The following MS4A4A variants were observed in gnomAD, a reference collection of about 807,000 sequenced individuals.
MS4A4A encodes the protein membrane spanning 4-domains A4A, also known as membrane-spanning 4-domains subfamily A member 4A.
A neutral mutation model predicts 28.0 loss-of-function variants in MS4A4A; 26 were observed. That is an observed-to-expected ratio of 0.93 (90% confidence interval 0.68 to 1.29). The LOEUF is 1.29. MS4A4A is among the 50% of genes most tolerant of loss of function. The probability of loss-of-function intolerance (pLI) is 0.00; values close to 1 mark genes in which losing one functional copy is unlikely to be tolerated. For missense variants in MS4A4A, 290 were observed against 293.1 expected, an observed-to-expected ratio of 0.99 and a Z score of 0.08; for synonymous variants, 86 against 100.8, an observed-to-expected ratio of 0.85 and a Z score of 0.88.
intron 1 of MS4A4A, among the ~76,000 whole-genome samples, chr11:60,289,604 T>C (rs1258190759): frequency 6.6e-6 from 1 of 151,302 alleles, no homozygotes; most frequent in African/African-American, 2.4e-5. Flanking sequence ...TATGTGTGTG[T>C]GTGTGTGTGT....
chr11:60,281,206 G>C (rs1014183361), intron 1 of MS4A4A, among the ~76,000 whole-genome samples: 1 of 152,122 alleles, frequency 6.6e-6, no homozygotes, highest in African/African-American at 2.4e-5. Context: ...CATTTAGATG[G>C]GCTGTGGCCT....
intron 1 of MS4A4A, among the ~76,000 whole-genome samples, chr11:60,290,540 CCTTAT>C (rs1345675701): frequency 6.6e-6 from 1 of 151,882 alleles, no homozygotes; most frequent in Non-Finnish European, 1.5e-5. Context: ...ATATATAATT[CCTTAT>C]CTTAACTACT....
intron 1 of MS4A4A, chr11:60,290,127 A>G: frequency 2.3e-6 from 1 of 442,852 alleles, no homozygotes; most frequent in South Asian, 1.6e-5. Context: ...CCTTCTAAAT[A>G]TGTGTCTTTT....
intron 5 of MS4A4A, among the ~76,000 whole-genome samples, chr11:60,303,430 G>A (rs536062687): frequency 3.7e-4 from 56 of 152,280 alleles, no homozygotes; most frequent in African/African-American, 1.2e-3. Flanking sequence ...AAGCCTGGCA[G>A]GGCGCAGTGG....
intron 3 of MS4A4A, 50 bp from the exon 4 acceptor site, chr11:60,300,951 C>G: frequency 7.3e-7 from 1 of 1,372,084 alleles, no homozygotes; most frequent in Non-Finnish European, 1.0e-6. Context: ...AGTTATGACT[C>G]CCAATACTGG....
intron 5 of MS4A4A, among the ~76,000 whole-genome samples, chr11:60,304,039 C>A (rs111710653): frequency 6.6e-6 from 1 of 152,132 alleles, no homozygotes; most frequent in Non-Finnish European, 1.5e-5. Context: ...TCTTGCCACT[C>A]GCTCAAAATA....
chr11:60,299,753 G>C (rs561132890), intron 3 of MS4A4A, among the ~76,000 whole-genome samples: 1 of 152,086 alleles, frequency 6.6e-6, no homozygotes. Flanking sequence ...GTGCCACCAC[G>C]CCCTGCCAAT....
At chr11:60,285,126 GA>G (rs2084793011) in intron 1 of MS4A4A, among the ~76,000 whole-genome samples, 1 of 152,100 alleles carries the variant, frequency 6.6e-6, no homozygotes, top group Non-Finnish European at 1.5e-5. Context: ...CAACGTAACA[GA>G]AACCCTAAGA....
intron 1 of MS4A4A, chr11:60,282,624 A>G (rs2084764650): frequency 7.8e-7 from 1 of 1,284,778 alleles, no homozygotes; most frequent in Non-Finnish European, 1.0e-6. Context: ...ACATTCCTGC[A>G]AATGGTTTCA....
At chr11:60,286,208 T>C (rs2084802466) in intron 1 of MS4A4A, among the ~76,000 whole-genome samples, 1 of 152,226 alleles carries the variant, frequency 6.6e-6, no homozygotes, top group South Asian at 2.1e-4. Context: ...GCTGTTATCC[T>C]GTTCTTTTTC....
intron 1 of MS4A4A, among the ~76,000 whole-genome samples, chr11:60,291,901 G>A (rs1005970890): frequency 3.3e-5 from 5 of 151,968 alleles, no homozygotes; most frequent in Non-Finnish European, 7.4e-5. Context: ...AATAAAATCT[G>A]AGCCGACTTG....
At chr11:60,295,322 T>C (rs1401590427) in intron 2 of MS4A4A, among the ~76,000 whole-genome samples, 1 of 152,144 alleles carries the variant, frequency 6.6e-6, no homozygotes, top group Non-Finnish European at 1.5e-5. Context: ...AGTAATTGTC[T>C]CTTGTGTATT....
chr11:60,307,043 A>G (rs1228355063), intron 6 of MS4A4A, among the ~76,000 whole-genome samples: 1 of 152,212 alleles, frequency 6.6e-6, no homozygotes, highest in Non-Finnish European at 1.5e-5. Context: ...CTCTAGGAAG[A>G]ATGGGGAGGG....
At chr11:60,306,729 T>C (rs2085006348) in intron 6 of MS4A4A, among the ~76,000 whole-genome samples, 1 of 152,214 alleles carries the variant, frequency 6.6e-6, no homozygotes, top group Non-Finnish European at 1.5e-5. Context: ...ACATAAAAGC[T>C]CTTTTTCCCC....
rs1565150385 is a variant in MS4A4A, at chr11:60,308,111, T to C, written c.653T>C (p.Val218Ala). The change falls in exon 7 of 7, where the codon GTG becomes GCG. Residue 218 changes from valine to alanine, a missense_variant. Coordinates refer to ENST00000337908, the MANE Select transcript of MS4A4A (RefSeq NM_148975.3). ...KVLCCTPGGV[V>A]LILPSHSHMA... Reference sequence around the variant, plus strand: ...GGCATTCTGATTGTTTCACAGGTTGTGTTAATTCTGCCATCACATTCTCAC... The same window carrying C: ...GGCATTCTGATTGTTTCACAGGTTGCGTTAATTCTGCCATCACATTCTCAC... The C allele has an allele frequency of 6.2e-7, 1 of 1,614,018 alleles. No homozygotes were observed. The highest frequency in any genetic ancestry group is 1.3e-5 in the African/African-American group (1 of 75,036).
In MS4A4A at chr11:60,304,818, T is replaced by A. The variant is rs1205821617; in HGVS notation, c.547-1282T>A. 2.6e-5 allele frequency among the ~76,000 whole-genome samples: 4 copies of A among 152,358 alleles called. No homozygotes were observed. In the East Asian group the frequency reaches 7.7e-4, roughly 29 times the overall value. Reference sequence around the variant, plus strand: ...TTACAGAAAGCTTGCCGTCTTCTAGTCTACACTTCTAGATGGTAAAATCCT... The same window carrying A: ...TTACAGAAAGCTTGCCGTCTTCTAGACTACACTTCTAGATGGTAAAATCCT... On this transcript the variant is annotated intron_variant, in intron 5 of 6. Coordinates refer to ENST00000337908, the MANE Select transcript of MS4A4A (RefSeq NM_148975.3).
intron 3 of MS4A4A, among the ~76,000 whole-genome samples, chr11:60,297,584 G>C (rs985145779): frequency 2.0e-5 from 3 of 152,100 alleles, no homozygotes; most frequent in African/African-American, 7.2e-5. Context: ...AACCAGAATG[G>C]CTTAAACATT....
chr11:60,285,831 G>A (rs2084798986), intron 1 of MS4A4A, among the ~76,000 whole-genome samples: 1 of 152,200 alleles, frequency 6.6e-6, no homozygotes, highest in Admixed American at 6.5e-5. Context: ...GAGGTTCCAT[G>A]TCCTGCTGTG....
chr11:60,306,388 G>T (rs1289816051), intron 6 of MS4A4A, among the ~76,000 whole-genome samples, 187 bp downstream of exon 6: 1 of 152,182 alleles, frequency 6.6e-6, no homozygotes, highest in Admixed American at 6.5e-5. Context: ...CAGGGAGTTG[G>T]CTGGGGCTGT....
Sources: allele counts gnomAD v4.1 joint callset (sites outside exome capture counted in the v4.1 genomes callset), GRCh38; gene constraint gnomAD v4.1.1; transcripts MANE v1.5; gene names NCBI Gene and HGNC (gene_info 2026-07-23, HGNC 2026-07-21).